HMCN1: variants seen among roughly 807,000 people sequenced by gnomAD.
HMCN1 encodes the protein hemicentin-1.
In HMCN1, 321 loss-of-function variants were observed where a neutral mutation model predicts 625.9. The ratio of observed to expected loss-of-function variants is 0.51; its 90% CI spans 0.47 to 0.56. The LOEUF is 0.56. Ranked by LOEUF, HMCN1 falls within the 20% of genes least tolerant of loss-of-function variation. HMCN1 has a pLI of 0.00. For synonymous variants in HMCN1, 2,425 were observed against 2,417.6 expected (o/e 1.00, Z -0.09); for missense variants, 6,588 against 6,887.3 (o/e 0.96, Z 1.54).
At chr1:186,183,626 G>T (rs767621721) in intron 105 of HMCN1, among the ~76,000 whole-genome samples, 35 of 152,066 alleles carry the variant, frequency 2.3e-4, no homozygotes, top group Admixed American at 1.2e-3. Context: ...GCAATAATTT[G>T]CACCCATTCT....
chr1:185,932,953 C>T (rs528500227), intron 10 of HMCN1, among the ~76,000 whole-genome samples: 2 of 152,232 alleles, frequency 1.3e-5, no homozygotes, highest in East Asian at 1.9e-4. Context: ...ACACATGTGT[C>T]ACTCAATGCC....
At chr1:186,158,662 A>T (rs1651210145) in intron 97 of HMCN1, among the ~76,000 whole-genome samples, 1 of 152,112 alleles carries the variant, frequency 6.6e-6, no homozygotes, top group Non-Finnish European at 1.5e-5. Context: ...ATGGCTAGCC[A>T]GTTTTTCCAG....
At chr1:185,859,392 A>C (rs1429083491) in intron 2 of HMCN1, among the ~76,000 whole-genome samples, 1 of 152,156 alleles carries the variant, frequency 6.6e-6, no homozygotes, top group Non-Finnish European at 1.5e-5. Context: ...AATAATGTGA[A>C]CTATGTATGT....
chr1:185,864,610 C>T lies in HMCN1; in HGVS notation c.480C>T (p.Ile160=), dbSNP rs1363329564. ...YRLTHEVLQL[I]QQKQSQVVFV... is the part of the protein sequence containing the mutation. ...TCACCCATGAGGTGCTGCAACTTAT[C>T]CAACAGAAACAGTCACAAGTGAGTA... The change falls in exon 3 of 107, where the codon ATC becomes ATT. Residue 160 remains isoleucine (I), a synonymous_variant. Coordinates refer to ENST00000271588, the MANE Select transcript of HMCN1 (RefSeq NM_031935.3). 5.0e-6 allele frequency: 8 copies of T among 1,613,996 alleles called. No individual in the cohort carries two copies. The highest frequency in any genetic ancestry group is 1.3e-5 in the African/African-American group (1 of 75,028).
rs1251956572 is a variant in HMCN1 at position 186,171,427 on chromosome 1, A to G, written c.15665A>G (p.Gln5222Arg). Residue 5222 changes from glutamine (Q) to arginine (R), a missense_variant, in exon 101 of 107, where the codon CAG becomes CGG. This residue lies in a region of HMCN1 where 1,954 missense variants were observed against 2,013.1 expected (regional missense o/e 0.97). Coordinates refer to ENST00000271588, the MANE Select transcript of HMCN1 (RefSeq NM_031935.3). ...CATTGTGGATGTGAACCTGGGTATC[A>G]GCTCAAAGGCAGAAAATGCATGGGT... Reference protein sequence around the residue: ...SFHCGCEPGYQLKGRKCMDVN... With the variant: ...SFHCGCEPGYRLKGRKCMDVN... The G allele has an allele frequency of 6.2e-7, 1 of 1,613,150 alleles. No homozygotes were observed. The highest frequency in any genetic ancestry group is 1.3e-5 in the African/African-American group (1 of 74,908).
At chr1:185,787,529 A>T (rs549486344) in intron 1 of HMCN1, among the ~76,000 whole-genome samples, 2 of 152,344 alleles carry the variant, frequency 1.3e-5, no homozygotes, top group East Asian at 3.9e-4. Context: ...GTATGTTGGA[A>T]AGGAAGTCAC....
chr1:185,797,732 C>T lies in HMCN1; in HGVS notation c.269-48294C>T, dbSNP rs553624371. Among the ~76,000 whole-genome samples, 363 of 128,264 alleles carry T rather than the reference C, an allele frequency of 2.8e-3. 4 individuals are homozygous for T. The highest frequency in any genetic ancestry group is 3.8e-3 in the Non-Finnish European group (256 of 67,626). The allele number at this position is 128,264 out of a possible 152,430, so 84.1% of individuals were successfully genotyped here. Reference sequence around the variant, plus strand: ...CTGTAATCCCAGCACTTTGGGAGGCCGAGGCGGGCGGATCACGAGGTCAGG... The same window carrying T: ...CTGTAATCCCAGCACTTTGGGAGGCTGAGGCGGGCGGATCACGAGGTCAGG... On this transcript the variant is annotated intron_variant, in intron 1 of 106. Coordinates refer to ENST00000271588, the MANE Select transcript of HMCN1 (RefSeq NM_031935.3).
At chr1:185,922,968 C>A (rs1326344961) in intron 7 of HMCN1, among the ~76,000 whole-genome samples, 1 of 152,030 alleles carries the variant, frequency 6.6e-6, no homozygotes, top group Non-Finnish European at 1.5e-5. Flanking sequence ...GATTTTTAAA[C>A]CTTGTCCTCC....
Position 186,187,987 on chromosome 1 carries a change from T to C in HMCN1, c.16519T>C (p.Tyr5507His), listed in dbSNP as rs775142563. ...QCIDTPCPPNYQRDPVSGFCL... is the reference protein window; with the variant it reads ...QCIDTPCPPNHQRDPVSGFCL... ...CATCGATACACCCTGTCCACCCAAC[T>C]ACCAACGGGATCCTGTTTCAGGGTA... Residue 5507 changes from tyrosine (Y) to histidine (H), a missense_variant, in exon 106 of 107, where the codon TAC (tyrosine) becomes CAC (histidine). Around this residue, in one of 3 missense-constraint regions of HMCN1, gnomAD observed 1,954 missense variants for 2,013.1 expected, o/e 0.97. Coordinates refer to ENST00000271588, the MANE Select transcript of HMCN1 (RefSeq NM_031935.3). 11 of 1,613,696 alleles carry C rather than the reference T, an allele frequency of 6.8e-6. No homozygotes were observed. The highest frequency in any genetic ancestry group is 6.7e-5 in the Admixed American group (4 of 59,972).
chr1:186,035,298 T>A (rs1004170819), intron 36 of HMCN1, among the ~76,000 whole-genome samples: 1 of 152,002 alleles, frequency 6.6e-6, no homozygotes, highest in Admixed American at 6.6e-5. Flanking sequence ...CTGGGGTGAG[T>A]CTTTAGGAAC....
intron 11 of HMCN1, among the ~76,000 whole-genome samples, chr1:185,946,845 C>T (rs963471684): frequency 6.6e-6 from 1 of 152,064 alleles, no homozygotes; most frequent in Admixed American, 6.6e-5. Flanking sequence ...AAACCTTTGC[C>T]ATGTATATAT....
intron 30 of HMCN1, 47 bp downstream of exon 30, chr1:186,007,329 G>A (rs1360303301): frequency 4.4e-6 from 7 of 1,575,482 alleles, no homozygotes; most frequent in Non-Finnish European, 6.1e-6. Context: ...CTCATTATAA[G>A]TTGACAAGCA....
At chr1:185,893,348 T>G (rs1665270701) in intron 4 of HMCN1, among the ~76,000 whole-genome samples, 1 of 152,210 alleles carries the variant, frequency 6.6e-6, no homozygotes, top group Non-Finnish European at 1.5e-5. Context: ...TGGGGAGACT[T>G]AAAAGCCTGA....
At chr1:186,087,905 A>C (rs749651874) in intron 60 of HMCN1, 27 bp from the exon 61 acceptor site, 5 of 1,574,894 alleles carry the variant, frequency 3.2e-6, no homozygotes, top group Admixed American at 1.7e-5. Context: ...TTAATGGAGC[A>C]CATACAATAG....
Position 185,948,948 on chromosome 1 carries a change from G to A in HMCN1, c.1829-13570G>A, listed in dbSNP as rs575292733. On this transcript the variant is annotated intron_variant, in intron 11 of 106. Coordinates refer to ENST00000271588, the MANE Select transcript of HMCN1 (RefSeq NM_031935.3). ...TGATATTGTGGGGTTGTTAGAAGAA[G>A]CATTTGTCGTATAGAATGATTGGTG... 3.2e-3 allele frequency among the ~76,000 whole-genome samples: 437 copies of A among 137,596 alleles called. 5 individuals carry two copies. Among genetic ancestry groups the A allele is most frequent in the African/African-American group, 9.0e-3 (329 of 36,618 alleles). The allele number at this position is 137,596 out of a possible 152,430, so 90.3% of individuals were successfully genotyped here. A position where few individuals can be genotyped will look rare whatever the true frequency, so the allele number is the denominator to read the frequency against.
intron 4 of HMCN1, among the ~76,000 whole-genome samples, chr1:185,880,877 T>C (rs1049034974): frequency 6.6e-6 from 1 of 152,234 alleles, no homozygotes; most frequent in Non-Finnish European, 1.5e-5. Flanking sequence ...AGCTTTATCA[T>C]GTGCAGGGTG....
At chr1:186,026,711 A>G (rs1655080125) in intron 36 of HMCN1, among the ~76,000 whole-genome samples, 4 of 152,078 alleles carry the variant, frequency 2.6e-5, no homozygotes, top group Admixed American at 1.3e-4. Context: ...ATGACTCATT[A>G]CAGCCCGGAT....
chr1:186,125,912 A>C, intron 82 of HMCN1, 118 bp downstream of exon 82: 1 of 733,612 alleles, frequency 1.4e-6, no homozygotes, highest in Non-Finnish European at 2.2e-6. Context: ...TTCTTGTAAA[A>C]TCAGGTCACA....
intron 2 of HMCN1, among the ~76,000 whole-genome samples, chr1:185,854,409 C>T (rs1360982923): frequency 6.6e-6 from 1 of 152,104 alleles, no homozygotes; most frequent in African/African-American, 2.4e-5. Context: ...TGTCAGTACC[C>T]CAGACCTGAG....
Sources: allele counts gnomAD v4.1 joint callset (sites outside exome capture counted in the v4.1 genomes callset), GRCh38; gene constraint gnomAD v4.1.1; regional missense constraint gnomAD v4.1.1; transcripts MANE v1.5; gene names NCBI Gene and HGNC (gene_info 2026-07-23, HGNC 2026-07-21).